Variants in PTPRD observed in about 807,000 individuals in gnomAD.
PTPRD encodes receptor-type tyrosine-protein phosphatase delta.
Under a neutral mutation model 214.5 loss-of-function variants are expected in PTPRD, and 34 were observed. The ratio of observed to expected loss-of-function variants is 0.16; its 90% CI spans 0.12 to 0.21. The LOEUF is 0.21. Ranked by LOEUF, PTPRD falls within the 10% of genes least tolerant of loss-of-function variation. The pLI is 1.00. For synonymous variants in PTPRD, 1,128 were observed against 845.7 expected (o/e 1.33, Z -5.79); for missense variants, 2,545 against 2,398.7 (o/e 1.06, Z -1.27).
Position 10,403,908 on chromosome 9 carries a change from A to T in PTPRD, c.-599-62891T>A, listed in dbSNP as rs561913684. Among the ~76,000 whole-genome samples, 30 of 151,810 alleles carry T rather than the reference A, an allele frequency of 2.0e-4. No homozygotes were observed. In the South Asian group the frequency reaches 6.0e-3, roughly 30 times the overall value. On this transcript the variant is annotated intron_variant, in intron 2 of 45. Transcript: ENST00000381196. ...GGGCACTAAAAATACTCTGTACGAT[A>T]CTATAAAGGTAGATACATGCCATTA... is the stretch of plus-strand genomic sequence containing the variant.
rs10978150 is a variant in PTPRD at position 9,987,388 on chromosome 9, G to T, written c.-472+46330C>A. Reference sequence around the variant, plus strand: ...TTTAATGGACTTACAGTTCCACATGGCTGGGGAGGCGTTGCAATCATGGTA... The same window carrying T: ...TTTAATGGACTTACAGTTCCACATGTCTGGGGAGGCGTTGCAATCATGGTA... On this transcript the variant is annotated intron_variant, in intron 4 of 45. Transcript: ENST00000381196. Among the ~76,000 whole-genome samples, 232 of 152,250 alleles carry T rather than the reference G, an allele frequency of 1.5e-3. 3 individuals carry two copies. The East Asian group carries it at 0.038, about 25-fold the overall frequency.
chr9:9,370,331 C>T lies in PTPRD; in HGVS notation c.-203+27118G>A, dbSNP rs575003214. The stretch of plus-strand genomic sequence containing the variant: ...CTCCTTGAAGAGGTCCTTCACATCC[C>T]TTGTAAGTTGGATTCCTAGGTATTT... On this transcript the variant is annotated intron_variant, in intron 9 of 45. Coordinates refer to ENST00000381196, the MANE Select transcript of PTPRD (RefSeq NM_002839.4). Among the ~76,000 whole-genome samples, 7 of 152,100 alleles carry T rather than the reference C, an allele frequency of 4.6e-5. No homozygotes were observed. The South Asian group carries it at 1.5e-3, about 32-fold the overall frequency.
intron 8 of PTPRD, among the ~76,000 whole-genome samples, chr9:9,447,137 C>A (rs900579604): frequency 1.3e-5 from 2 of 152,106 alleles, no homozygotes; most frequent in Admixed American, 6.6e-5. Context: ...ATCGGAATTA[C>A]TATTTAACCC....
At chr9:10,297,674 A>C (rs1184258912) in intron 3 of PTPRD, among the ~76,000 whole-genome samples, 1 of 152,126 alleles carries the variant, frequency 6.6e-6, no homozygotes, top group South Asian at 2.1e-4. Flanking sequence ...TAATCACTCA[A>C]TTTACAAATC....
chr9:8,528,465 G>A, intron 15 of PTPRD, 126 bp downstream of exon 15: 3 of 851,360 alleles, frequency 3.5e-6, no homozygotes, highest in Non-Finnish European at 5.7e-6. Flanking sequence ...AAGTAACAGA[G>A]AAAGAGAAGA....
chr9:9,728,987 G>T (rs976780266), intron 7 of PTPRD, among the ~76,000 whole-genome samples: 1 of 152,064 alleles, frequency 6.6e-6, no homozygotes, highest in Non-Finnish European at 1.5e-5. Flanking sequence ...AAATGGTACT[G>T]CAGGTTATTT....
intron 11 of PTPRD, among the ~76,000 whole-genome samples, chr9:8,825,886 A>G (rs2097165633): frequency 6.6e-6 from 1 of 152,086 alleles, no homozygotes; most frequent in Admixed American, 6.6e-5. Flanking sequence ...AGATGCCACA[A>G]TTGTTGCCAT....
rs777910266 is a variant in PTPRD at position 9,058,442 on chromosome 9, G to GTTTTT, written c.-142-39712_-142-39708dup. ...TATTGGTGAGAGAAATATTATGAGG[G>GTTTTT]TTTTTTTTTTTTTTTTTTTTTTTTT... is the stretch of plus-strand genomic sequence containing the variant. On this transcript the variant is annotated intron_variant, in intron 10 of 45. Coordinates refer to ENST00000381196, the MANE Select transcript of PTPRD (RefSeq NM_002839.4). 4.0e-4 allele frequency among the ~76,000 whole-genome samples: 28 copies of GTTTTT among 69,914 alleles called. 4 individuals carry two copies. Among genetic ancestry groups the GTTTTT allele is most frequent in the African/African-American group, 9.0e-4 (18 of 20,090 alleles). 45.9% of individuals were successfully genotyped at this position (69,914 alleles called of 152,430 possible).
chr9:8,613,823 G>T (rs975608334), intron 14 of PTPRD, among the ~76,000 whole-genome samples: 2 of 152,118 alleles, frequency 1.3e-5, no homozygotes, highest in African/African-American at 4.8e-5. Flanking sequence ...CACCCTGAGG[G>T]ACCAGGAGAA....
chr9:8,788,253 ATTTTTTT>A (rs776984034), intron 11 of PTPRD, among the ~76,000 whole-genome samples: 949 of 85,252 alleles, frequency 0.011, 21 homozygotes, highest in African/African-American at 0.048. Context: ...ATATAAGATG[ATTTTTTT>A]TTTTTTTTTT....
At chr9:9,035,482 C>G (rs1422210889) in intron 10 of PTPRD, among the ~76,000 whole-genome samples, 1 of 152,084 alleles carries the variant, frequency 6.6e-6, no homozygotes, top group Admixed American at 6.6e-5. Flanking sequence ...CATGGGAAGG[C>G]AGGAGCCTAA....
intron 9 of PTPRD, among the ~76,000 whole-genome samples, chr9:9,227,673 A>G (rs1484091362): frequency 6.6e-6 from 1 of 152,124 alleles, no homozygotes; most frequent in Non-Finnish European, 1.5e-5. Flanking sequence ...TTCTTGAATT[A>G]CTTATCTGGG....
chr9:8,404,334 G>A (rs1240869841), intron 36 of PTPRD, among the ~76,000 whole-genome samples: 2 of 152,092 alleles, frequency 1.3e-5, no homozygotes, highest in Admixed American at 1.3e-4. Context: ...TCAGCATGTT[G>A]GCCAGGCTGG....
chr9:10,377,406 T>C (rs913575528), intron 2 of PTPRD, among the ~76,000 whole-genome samples: 1 of 151,954 alleles, frequency 6.6e-6, no homozygotes, highest in African/African-American at 2.4e-5. Context: ...TCGTCATTTA[T>C]ATTAGGTATA....
intron 43 of PTPRD, among the ~76,000 whole-genome samples, chr9:8,338,162 C>T (rs947507453): frequency 2.0e-5 from 3 of 152,170 alleles, no homozygotes; most frequent in East Asian, 1.9e-4. Context: ...TTTATTCAAC[C>T]CACCCACTGT....
chr9:9,885,277 C>G (rs2070412704), intron 5 of PTPRD, among the ~76,000 whole-genome samples: 1 of 151,920 alleles, frequency 6.6e-6, no homozygotes, highest in South Asian at 2.1e-4. Flanking sequence ...GTCCTTTCAA[C>G]AAGCAAAAGT....
chr9:9,833,496 A>C (rs2153611043), intron 5 of PTPRD, among the ~76,000 whole-genome samples: 1 of 151,970 alleles, frequency 6.6e-6, no homozygotes, highest in African/African-American at 2.4e-5. Flanking sequence ...AAAATTGCTA[A>C]TGAAGTTTCG....
At chr9:10,282,851 G>T (rs1327456611) in intron 3 of PTPRD, among the ~76,000 whole-genome samples, 3 of 152,060 alleles carry the variant, frequency 2.0e-5, no homozygotes, top group Non-Finnish European at 4.4e-5. Flanking sequence ...CCCAGGCAAA[G>T]CATACCCTGA....
At chr9:10,120,661 T>C (rs2098767333) in intron 3 of PTPRD, among the ~76,000 whole-genome samples, 1 of 72,656 alleles carries the variant, frequency 1.4e-5, no homozygotes, top group Non-Finnish European at 3.4e-5. Flanking sequence ...CAATATTATA[T>C]AAATTTTGAA....
Sources: allele counts gnomAD v4.1 joint callset (sites outside exome capture counted in the v4.1 genomes callset), GRCh38; gene constraint gnomAD v4.1.1; transcripts MANE v1.5; gene names NCBI Gene and HGNC (gene_info 2026-07-23, HGNC 2026-07-21).